KHDRBS2: variants seen among roughly 807,000 people sequenced by gnomAD.
The protein encoded by KHDRBS2 is KH domain-containing, RNA-binding, signal transduction-associated protein 2.
Under a neutral mutation model 44.3 loss-of-function variants are expected in KHDRBS2, and 26 were observed. The ratio of observed to expected loss-of-function variants is 0.59; its 90% confidence interval spans 0.43 to 0.81. The LOEUF (loss-of-function observed/expected upper bound fraction) is 0.81, where lower values mean the gene tolerates loss of function less well. KHDRBS2 is among the 40% of genes least tolerant of loss of function. The pLI is 0.00. For missense variants in KHDRBS2, 476 were observed against 433.1 expected (o/e 1.10, Z -0.88); for synonymous variants, 194 against 151.1 (o/e 1.28, Z -2.08).
At chr6:62,070,343 T>G (rs975901330) in intron 2 of KHDRBS2, among the ~76,000 whole-genome samples, 9 of 152,090 alleles carry the variant, frequency 5.9e-5, no homozygotes, top group Non-Finnish European at 1.2e-4. Flanking sequence ...TTCTTTTTTT[T>G]TTTCTTTTAT....
intron 7 of KHDRBS2, among the ~76,000 whole-genome samples, chr6:61,715,398 C>T (rs1771226874): frequency 6.6e-6 from 1 of 151,856 alleles, no homozygotes; most frequent in South Asian, 2.1e-4. Flanking sequence ...TATATTTAGG[C>T]TTTCTTGTTT....
At chr6:61,584,337 T>C in the KHDRBS2 span, among the ~76,000 whole-genome samples, 2 of 151,810 alleles carry the variant, frequency 1.3e-5, no homozygotes, top group African/African-American at 4.8e-5. Context: ...AAGTATTACA[T>C]TAGCTCTAAG....
intron 2 of KHDRBS2, among the ~76,000 whole-genome samples, chr6:62,155,884 T>G (rs563504176): frequency 6.6e-6 from 1 of 152,178 alleles, no homozygotes. Context: ...TTGTGAAGAT[T>G]GGAGTGTTCT....
the KHDRBS2 span, among the ~76,000 whole-genome samples, chr6:61,551,729 C>T: frequency 3.9e-5 from 6 of 151,998 alleles, no homozygotes; most frequent in Admixed American, 6.6e-5. Context: ...TATGTGTTTG[C>T]TTTTGTGGCA....
the KHDRBS2 span, among the ~76,000 whole-genome samples, chr6:61,550,766 C>CTTTTTTTTTTTTTTTTTTTTTTT: frequency 6.0e-5 from 7 of 117,038 alleles, no homozygotes; most frequent in Non-Finnish European, 6.6e-5. Flanking sequence ...GAGATGGTAT[C>CTTTTTTTTTTTTTTTTTTTTTTT]TTTTTTTTTT....
intron 2 of KHDRBS2, among the ~76,000 whole-genome samples, chr6:62,168,574 T>C (rs1358356680): frequency 3.3e-5 from 5 of 152,154 alleles, no homozygotes; most frequent in African/African-American, 4.8e-5. Flanking sequence ...AGGTATATCT[T>C]GGTTTATTAG....
chr6:62,144,839 G>A (rs1478760110), intron 2 of KHDRBS2, among the ~76,000 whole-genome samples: 2 of 151,904 alleles, frequency 1.3e-5, no homozygotes, highest in East Asian at 1.9e-4. Flanking sequence ...ATAATAATGA[G>A]TAATGAAGAC....
chr6:61,762,689 CCTTTAT>C (rs1280455234), intron 6 of KHDRBS2, among the ~76,000 whole-genome samples: 1 of 152,180 alleles, frequency 6.6e-6, no homozygotes, highest in African/African-American at 2.4e-5. Context: ...AATAACTTTT[CCTTTAT>C]AAATAACCTT....
At chr6:61,935,828 T>G (rs1231026832) in intron 4 of KHDRBS2, among the ~76,000 whole-genome samples, 1 of 152,110 alleles carries the variant, frequency 6.6e-6, no homozygotes, top group African/African-American at 2.4e-5. Flanking sequence ...CACCACATCT[T>G]TATTTTGGGA....
At chr6:61,633,506 C>G in the KHDRBS2 span, among the ~76,000 whole-genome samples, 1 of 151,982 alleles carries the variant, frequency 6.6e-6, no homozygotes, top group East Asian at 1.9e-4. Flanking sequence ...CATTAAAATA[C>G]AAAATCTGCA....
intron 1 of KHDRBS2, among the ~76,000 whole-genome samples, chr6:62,186,494 T>A (rs911653015): frequency 6.6e-6 from 1 of 152,022 alleles, no homozygotes; most frequent in Non-Finnish European, 1.5e-5. Context: ...GATTGTTAAT[T>A]ATTGATGGTA....
chr6:62,123,347 C>T lies in KHDRBS2; in HGVS notation c.219+53838G>A, dbSNP rs148696909. 6.0e-3 allele frequency among the ~76,000 whole-genome samples: 908 copies of T among 152,132 alleles called. 5 individuals are homozygous for T. Among genetic ancestry groups the T allele is most frequent in the African/African-American group, 0.018 (742 of 41,482 alleles). On this transcript the variant is annotated intron_variant, in intron 2 of 8. Coordinates refer to ENST00000281156, the MANE Select transcript of KHDRBS2 (RefSeq NM_152688.4). The stretch of plus-strand genomic sequence containing the variant: ...AAGTCTTTGCTATTGTGAATAGTGC[C>T]GTAATAAACATATGTGTGCATGTGT...
intron 1 of KHDRBS2, among the ~76,000 whole-genome samples, chr6:62,198,373 A>G (rs568438361): frequency 2.1e-4 from 32 of 152,326 alleles, no homozygotes; most frequent in African/African-American, 7.0e-4. Flanking sequence ...AGAAGAATCA[A>G]ATAGACACAA....
intron 6 of KHDRBS2, among the ~76,000 whole-genome samples, chr6:61,874,189 G>A (rs1799068686): frequency 6.6e-6 from 1 of 151,916 alleles, no homozygotes; most frequent in East Asian, 1.9e-4. Flanking sequence ...TTTCAAATAA[G>A]AAATAGTAAC....
intron 6 of KHDRBS2, among the ~76,000 whole-genome samples, chr6:61,843,959 A>G (rs1430052535): frequency 6.6e-6 from 1 of 152,116 alleles, no homozygotes; most frequent in African/African-American, 2.4e-5. Flanking sequence ...TTAAGTGTCA[A>G]TCTTTTCTGT....
At chr6:61,845,109 C>T (rs73758038) in intron 6 of KHDRBS2, among the ~76,000 whole-genome samples, 1,543 of 152,116 alleles carry the variant, frequency 0.01, 12 homozygotes, top group African/African-American at 0.024. Context: ...TATTTTGTTT[C>T]GGAATTATTG....
At chr6:61,894,925 A>C in intron 5 of KHDRBS2, 92 bp from the exon 6 acceptor site, 1 of 752,120 alleles carries the variant, frequency 1.3e-6, no homozygotes, top group Non-Finnish European at 2.2e-6. Flanking sequence ...GCCTCCATAC[A>C]ATGAAATAAA....
At chr6:62,091,854 T>C (rs142342285) in intron 2 of KHDRBS2, among the ~76,000 whole-genome samples, 1 of 152,262 alleles carries the variant, frequency 6.6e-6, no homozygotes, top group Non-Finnish European at 1.5e-5. Flanking sequence ...TATGGTTTGT[T>C]ATGTAAAGCA....
chr6:62,148,218 G>T (rs553726775), intron 2 of KHDRBS2, among the ~76,000 whole-genome samples: 2 of 151,984 alleles, frequency 1.3e-5, no homozygotes, highest in African/African-American at 2.4e-5. Context: ...TCTATTCTCT[G>T]ACCATAGACC....
Sources: allele counts gnomAD v4.1 joint callset (sites outside exome capture counted in the v4.1 genomes callset), GRCh38; gene constraint gnomAD v4.1.1; transcripts MANE v1.5; gene names NCBI Gene and HGNC (gene_info 2026-07-23, HGNC 2026-07-21).